The following RNF157 variants were observed in gnomAD, a reference collection of about 807,000 sequenced individuals.
The protein encoded by RNF157 is E3 ubiquitin ligase RNF157.
A neutral mutation model predicts 88.3 loss-of-function variants in RNF157; 55 were observed. The observed-to-expected ratio is 0.62, with a 90% confidence interval of 0.50 to 0.78. The LOEUF (loss-of-function observed/expected upper bound fraction) is 0.78. RNF157 is among the 30% of genes least tolerant of loss of function. The probability of loss-of-function intolerance (pLI) is 0.00; values close to 1 mark genes in which losing one functional copy is unlikely to be tolerated. For missense variants in RNF157, 788 were observed against 860.8 expected (o/e 0.92, Z 1.06); for synonymous variants, 334 against 341.2 (o/e 0.98, Z 0.23).
At chr17:76,152,050 C>T (rs1262759286) in intron 18 of RNF157, among the ~76,000 whole-genome samples, 1 of 152,148 alleles carries the variant, frequency 6.6e-6, no homozygotes, top group Non-Finnish European at 1.5e-5. Flanking sequence ...AAGACTGGGC[C>T]ACCTGACATG....
intron 14 of RNF157, 29 bp downstream of exon 14, chr17:76,156,181 C>T (rs769100235): frequency 1.3e-6 from 2 of 1,553,748 alleles, no homozygotes; most frequent in Admixed American, 1.7e-5. Flanking sequence ...GGGGGAAGGA[C>T]ATGCAGCCAC....
At chr17:76,226,663 C>T (rs1486655284) in intron 1 of RNF157, 2 of 1,612,424 alleles carry the variant, frequency 1.2e-6, no homozygotes, top group Admixed American at 3.3e-5. Flanking sequence ...CGCTGGAGAA[C>T]CCATGAGGTT....
intron 1 of RNF157, among the ~76,000 whole-genome samples, chr17:76,234,018 C>T (rs2070238956): frequency 1.3e-5 from 2 of 152,184 alleles, no homozygotes. Flanking sequence ...ATTTCTCCCT[C>T]TCCTCAGCCT....
chr17:76,178,936 G>A (rs1868827), intron 2 of RNF157, among the ~76,000 whole-genome samples: 14,476 of 152,100 alleles, frequency 0.095, 816 homozygotes, highest in African/African-American at 0.15. Flanking sequence ...TTAATCTAGA[G>A]ATGAGATTTC....
At chr17:76,203,152 G>A (rs1279682744) in intron 2 of RNF157, among the ~76,000 whole-genome samples, 1 of 151,952 alleles carries the variant, frequency 6.6e-6, no homozygotes, top group Non-Finnish European at 1.5e-5. Context: ...CACCATGCCT[G>A]GCTAATTTTT....
Position 76,146,339 on chromosome 17 carries a change from T to A in RNF157, c.1922-986A>T. The A allele has an allele frequency of 2.0e-6, 2 of 985,354 alleles. No individual in the cohort carries two copies. The highest frequency in any genetic ancestry group is 3.5e-5 in the African/African-American group (2 of 57,354). 61.0% of individuals were successfully genotyped at this position (985,354 alleles called of 1,614,324 possible). A position where few individuals can be genotyped will look rare whatever the true frequency, so the allele number is the denominator to read the frequency against. On this transcript the variant is annotated intron_variant, in intron 18 of 18. Coordinates refer to ENST00000269391, the MANE Select transcript of RNF157 (RefSeq NM_052916.3). The surrounding 1 kb of genome is among the most constrained non-coding windows in gnomAD (Gnocchi z 4.2). Reference sequence around the variant, plus strand: ...CTAGATGAGAGAATGCGAGCGTTGGTGAGTATCTGACTCCTAGAATAGCCT... The same window carrying A: ...CTAGATGAGAGAATGCGAGCGTTGGAGAGTATCTGACTCCTAGAATAGCCT...
chr17:76,175,517 T>C (rs2069089451), intron 2 of RNF157, among the ~76,000 whole-genome samples: 2 of 152,200 alleles, frequency 1.3e-5, no homozygotes, highest in South Asian at 2.1e-4. Context: ...TCAGATCCCA[T>C]CTGTGGCCTG....
At position 76,176,764 on chromosome 17, in the gene RNF157, C is replaced by G. The variant is rs2069109919; in HGVS notation, c.208-2974G>C. Reference sequence around the variant, plus strand: ...GCCCCGAGGCGGAGCTGGGCCTTGGCCAGTGTCCCGCTTGCTCATGGAGCG... The same window carrying G: ...GCCCCGAGGCGGAGCTGGGCCTTGGGCAGTGTCCCGCTTGCTCATGGAGCG... On this transcript the variant is annotated intron_variant, in intron 2 of 18. Transcript: ENST00000269391. This position sits in a 1 kb window ranked among gnomAD's most constrained non-coding sequence, Gnocchi z 4.2. Among the ~76,000 whole-genome samples, 1 of 152,080 alleles carries G rather than the reference C, an allele frequency of 6.6e-6. No homozygotes were observed. The highest frequency in any genetic ancestry group is 6.6e-5 in the Admixed American group (1 of 15,256).
chr17:76,209,720 T>C lies in RNF157; in HGVS notation c.207+2644A>G, dbSNP rs185206284. On this transcript the variant is annotated intron_variant, in intron 2 of 18. Coordinates refer to ENST00000269391, the MANE Select transcript of RNF157 (RefSeq NM_052916.3). Reference sequence around the variant, plus strand: ...AAAAAGACAGAAACAGATGCAAACATCAAGTCCATGTTATTAATAGAAGAA... The same window carrying C: ...AAAAAGACAGAAACAGATGCAAACACCAAGTCCATGTTATTAATAGAAGAA... Among the ~76,000 whole-genome samples the C allele has an allele frequency of 1.8e-3, 277 of 152,284 alleles. 1 individual carries two copies. The highest frequency in any genetic ancestry group is 6.4e-3 in the African/African-American group (265 of 41,570).
At chr17:76,220,163 A>G (rs2069956205) in intron 1 of RNF157, among the ~76,000 whole-genome samples, 1 of 152,076 alleles carries the variant, frequency 6.6e-6, no homozygotes, top group Non-Finnish European at 1.5e-5. Context: ...GGCTCTTTGG[A>G]GGCCACATTC....
intron 2 of RNF157, among the ~76,000 whole-genome samples, chr17:76,199,163 C>T (rs2069528937): frequency 6.6e-6 from 1 of 152,230 alleles, no homozygotes; most frequent in Non-Finnish European, 1.5e-5. Context: ...AAGTTGGCAA[C>T]ATGTTATGAT....
rs1598376908 is a variant in RNF157 at position 76,144,227 on chromosome 17, A to G, written c.*1008T>C. The stretch of plus-strand genomic sequence containing the variant: ...GTGTTTCTTGAAATGTCACCTTAGG[A>G]TGGAGTTGCAGGCCTCCCTGAATGC... On this transcript the variant is annotated 3_prime_UTR_variant, in exon 19 of 19. Transcript: ENST00000269391. The G allele has an allele frequency of 6.6e-6, 1 of 152,126 alleles. No individual in the cohort carries two copies. Among genetic ancestry groups the G allele is most frequent in the Admixed American group, 6.5e-5 (1 of 15,282 alleles). 9.4% of individuals were successfully genotyped at this position (152,126 alleles called of 1,614,324 possible).
At chr17:76,219,697 G>GGT (rs1171401259) in intron 1 of RNF157, among the ~76,000 whole-genome samples, 3 of 152,054 alleles carry the variant, frequency 2.0e-5, no homozygotes, top group African/African-American at 7.2e-5. Flanking sequence ...AATGAACCTA[G>GGT]GTGTGTGTGT....
chr17:76,220,340 TA>T (rs922148729), intron 1 of RNF157, among the ~76,000 whole-genome samples: 7 of 121,768 alleles, frequency 5.7e-5, no homozygotes, highest in Non-Finnish European at 1.7e-5. Context: ...ATCAGGATAA[TA>T]AGGGCAAGGA....
At chr17:76,149,362 C>T (rs2068638047) in intron 18 of RNF157, among the ~76,000 whole-genome samples, 1 of 151,808 alleles carries the variant, frequency 6.6e-6, no homozygotes, top group South Asian at 2.1e-4. Flanking sequence ...GGAGTGGCAC[C>T]CACTTGAAGA....
chr17:76,235,665 T>G (rs1041196181), intron 1 of RNF157, among the ~76,000 whole-genome samples: 1 of 152,146 alleles, frequency 6.6e-6, no homozygotes, highest in South Asian at 2.1e-4. Flanking sequence ...GACAAGAATA[T>G]GTGTACTCTA....
At position 76,194,084 on chromosome 17, in the gene RNF157, A is replaced by G. The variant is rs182194844; in HGVS notation, c.207+18280T>C. 2.6e-5 allele frequency among the ~76,000 whole-genome samples: 4 copies of G among 152,266 alleles called. No individual in the cohort carries two copies. The East Asian group carries it at 7.7e-4, about 29-fold the overall frequency. On this transcript the variant is annotated intron_variant, in intron 2 of 18. Coordinates refer to ENST00000269391, the MANE Select transcript of RNF157 (RefSeq NM_052916.3). ...TTGTTGGTTTGTTTATCAAGGTATA[A>G]TTTATATACAGTAAAATTCAGCCTT...
intron 1 of RNF157, among the ~76,000 whole-genome samples, chr17:76,234,962 C>T (rs911123381): frequency 2.0e-5 from 3 of 152,092 alleles, no homozygotes; most frequent in Non-Finnish European, 2.9e-5. Flanking sequence ...CAAAATCAAC[C>T]GAAAATAAAT....
intron 2 of RNF157, among the ~76,000 whole-genome samples, chr17:76,201,473 C>T (rs1372072900): frequency 1.3e-5 from 2 of 151,940 alleles, no homozygotes; most frequent in African/African-American, 4.8e-5. Context: ...GATTGCACCA[C>T]TGCACTCCAG....
Sources: gnomAD v4.1 joint callset for allele counts (sites outside exome capture counted in the v4.1 genomes callset) on GRCh38, gnomAD v4.1.1 for gene constraint, Gnocchi (gnomAD v3.1) non-coding constraint, MANE v1.5 for transcripts, NCBI Gene and HGNC (gene_info 2026-07-23, HGNC 2026-07-21) for gene names.